Variants in PGM5 observed in about 807,000 individuals in gnomAD.
PGM5 encodes the protein phosphoglucomutase-like protein 5.
In PGM5, 23 loss-of-function variants were observed where a neutral mutation model predicts 59.2. The observed-to-expected ratio is 0.39, with a 90% CI of 0.28 to 0.55. The LOEUF is 0.55. Among genes scored for constraint, PGM5 ranks in the 20% least tolerant of loss-of-function variants. The probability of loss-of-function intolerance (pLI) is 0.66; values close to 1 mark genes in which losing one functional copy is unlikely to be tolerated. For missense variants in PGM5, 574 were observed against 748.3 expected (o/e 0.77, Z 2.72); for synonymous variants, 214 against 286.0 (o/e 0.75, Z 2.54).
At chr9:68,409,060 C>A (rs1822874373) in intron 6 of PGM5, among the ~76,000 whole-genome samples, 1 of 152,262 alleles carries the variant, frequency 6.6e-6, no homozygotes, top group South Asian at 2.1e-4. Context: ...GCGATGCGGG[C>A]TCTTTTTTGG....
intron 6 of PGM5, among the ~76,000 whole-genome samples, chr9:68,452,853 C>T (rs1311071471): frequency 1.3e-5 from 2 of 152,178 alleles, no homozygotes; most frequent in Non-Finnish European, 2.9e-5. Context: ...CATCACCTTC[C>T]AACATCTCCT....
intron 1 of PGM5, among the ~76,000 whole-genome samples, chr9:68,376,818 TTTC>T (rs1821913668): frequency 2.9e-5 from 2 of 69,104 alleles, no homozygotes; most frequent in African/African-American, 1.2e-4. Context: ...TCTTTCTTTC[TTTC>T]TTTCTTTCTT....
chr9:68,489,893 C>G (rs1389793186), intron 9 of PGM5, among the ~76,000 whole-genome samples: 4 of 150,106 alleles, frequency 2.7e-5, no homozygotes, highest in African/African-American at 9.8e-5. Flanking sequence ...GTCAGGCTAA[C>G]TCTGAGCTGA....
chr9:68,390,825 A>G (rs1280113776), intron 4 of PGM5, among the ~76,000 whole-genome samples: 37 of 152,238 alleles, frequency 2.4e-4, no homozygotes, highest in Admixed American at 1.9e-3. Flanking sequence ...ATGTGTGGTT[A>G]TTGCTTCTCT....
At chr9:68,411,577 G>T (rs545614448) in intron 6 of PGM5, among the ~76,000 whole-genome samples, 24 of 151,070 alleles carry the variant, frequency 1.6e-4, no homozygotes, top group East Asian at 1.2e-3. Flanking sequence ...CATTACTTTT[G>T]GATGTCCCTT....
intron 1 of PGM5, among the ~76,000 whole-genome samples, chr9:68,360,917 G>T (rs1834564496): frequency 6.6e-6 from 1 of 152,028 alleles, no homozygotes; most frequent in South Asian, 2.1e-4. Context: ...CAATTATTAT[G>T]AAATGTCCTT....
At chr9:68,493,384 T>C (rs571477072) in intron 9 of PGM5, among the ~76,000 whole-genome samples, 3 of 152,228 alleles carry the variant, frequency 2.0e-5, no homozygotes, top group Non-Finnish European at 4.4e-5. Context: ...AAACATAAGA[T>C]ATTGTTCAGA....
intron 2 of PGM5, 124 bp from the exon 3 acceptor site, chr9:68,384,274 C>A: frequency 1.5e-6 from 1 of 678,700 alleles, no homozygotes; most frequent in Non-Finnish European, 2.7e-6. Context: ...GAACTGTGAA[C>A]CATTGATCAT....
intron 6 of PGM5, among the ~76,000 whole-genome samples, chr9:68,442,018 A>G (rs1823536442): frequency 6.6e-6 from 1 of 152,218 alleles, no homozygotes; most frequent in Non-Finnish European, 1.5e-5. Context: ...AAATGCATAC[A>G]TGATCGATAT....
At chr9:68,505,393 C>A in intron 10 of PGM5, among the ~76,000 whole-genome samples, 1 of 152,108 alleles carries the variant, frequency 6.6e-6, no homozygotes. Flanking sequence ...TGGATTTAGC[C>A]CAGACCCCAC....
At chr9:68,484,295 G>A (rs958924726) in intron 9 of PGM5, among the ~76,000 whole-genome samples, 3 of 151,644 alleles carry the variant, frequency 2.0e-5, no homozygotes, top group Admixed American at 1.3e-4. Flanking sequence ...CATTTTGGGA[G>A]GCCAAGGTGG....
At chr9:68,455,933 C>A (rs1306326122) in intron 6 of PGM5, among the ~76,000 whole-genome samples, 5 of 152,192 alleles carry the variant, frequency 3.3e-5, no homozygotes, top group Non-Finnish European at 7.4e-5. Context: ...CTTTTGCATT[C>A]TATAATTTGG....
At chr9:68,465,816 G>A (rs58973174) in intron 7 of PGM5, among the ~76,000 whole-genome samples, 5,526 of 152,170 alleles carry the variant, frequency 0.036, 344 homozygotes, top group African/African-American at 0.12. Context: ...AAAGTACTCT[G>A]TGTAAAGTAC....
At chr9:68,402,167 G>C (rs1253576505) in intron 6 of PGM5, among the ~76,000 whole-genome samples, 1 of 152,168 alleles carries the variant, frequency 6.6e-6, no homozygotes, top group Non-Finnish European at 1.5e-5. Context: ...GGGAGGCTGA[G>C]GCATGAGAAT....
At chr9:68,384,653 G>A (rs1822169501) in intron 3 of PGM5, 109 bp downstream of exon 3, 2 of 694,800 alleles carry the variant, frequency 2.9e-6, no homozygotes, top group Non-Finnish European at 5.0e-6. Context: ...AATCTCAGGG[G>A]TGACTCGATA....
intron 6 of PGM5, among the ~76,000 whole-genome samples, chr9:68,412,858 C>T (rs536025503): frequency 7.9e-5 from 12 of 152,232 alleles, no homozygotes; most frequent in Admixed American, 3.3e-4. Context: ...TAGAATGGTG[C>T]GGTTAAGGAG....
chr9:68,488,546 T>C (rs1232639229), intron 9 of PGM5, among the ~76,000 whole-genome samples: 1 of 152,198 alleles, frequency 6.6e-6, no homozygotes, highest in East Asian at 1.9e-4. Flanking sequence ...ACCCTGAAGT[T>C]CTCAACCCCT....
intron 6 of PGM5, among the ~76,000 whole-genome samples, chr9:68,428,289 G>T (rs1554682813): frequency 1.3e-5 from 2 of 152,166 alleles, no homozygotes; most frequent in Non-Finnish European, 2.9e-5. Flanking sequence ...TGATTTGCGA[G>T]TTTCAAATGT....
chr9:68,510,146 A>AT lies in PGM5; in HGVS notation c.1614+10808dup, dbSNP rs10580007. ...ACAAAGGTTGGGCTTTGAAATCAGC[A>AT]TTTTTTTTTTTTTTTTTTTTTTTGA... On this transcript the variant is annotated intron_variant, in intron 10 of 10. Transcript: ENST00000396396. 4.3e-3 allele frequency among the ~76,000 whole-genome samples: 374 copies of AT among 86,776 alleles called. 5 individuals are homozygous for AT. Among genetic ancestry groups the AT allele is most frequent in the African/African-American group, 8.8e-3 (171 of 19,482 alleles). The allele number at this position is 86,776 out of a possible 152,430, so 56.9% of individuals were successfully genotyped here. A position where few individuals can be genotyped will look rare whatever the true frequency, so the allele number is the denominator to read the frequency against.
Sources: allele counts gnomAD v4.1 joint callset (sites outside exome capture counted in the v4.1 genomes callset), GRCh38; gene constraint gnomAD v4.1.1; transcripts MANE v1.5; gene names NCBI Gene and HGNC (gene_info 2026-07-23, HGNC 2026-07-21).